DMD: variants seen among roughly 807,000 people sequenced by gnomAD.
The protein encoded by DMD is mutant dystrophin.
DMD carries 63 observed loss-of-function variants against 330.1 expected under a neutral mutation model. The ratio of observed to expected loss-of-function variants is 0.19; its 90% CI spans 0.16 to 0.24. The LOEUF is 0.24. Ranked by LOEUF, DMD falls within the 10% of genes least tolerant of loss-of-function variation. DMD has a pLI of 1.00. For synonymous variants in DMD, 1,223 were observed against 959.8 expected, an observed-to-expected ratio of 1.27 and a Z score of -5.07; for missense variants, 3,344 against 2,684.1, an observed-to-expected ratio of 1.25 and a Z score of -5.43.
chrX:33,219,185 T>C lies in DMD; in HGVS notation c.7+120074A>G, dbSNP rs769514929. ...CTCTGGATCTTATTTAAATCTATTT[T>C]AGCTCGTCCCCTTCTGACTGTTCTG... On this transcript the variant is annotated intron_variant, in intron 1 of 17. Transcript: ENST00000288447. 3.6e-5 allele frequency among the ~76,000 whole-genome samples: 4 copies of C among 110,415 alleles called. No individual in the cohort carries two copies. In the South Asian group the frequency reaches 1.2e-3, roughly 32 times the overall value.
chrX:31,599,645 C>T (rs2077258221), intron 55 of DMD, among the ~76,000 whole-genome samples: 1 of 112,179 alleles, frequency 8.9e-6, no homozygotes, highest in Non-Finnish European at 1.9e-5. Context: ...TTTGCACTAT[C>T]TTGACACTGA....
chrX:32,469,902 T>C (rs1254497905), intron 22 of DMD, among the ~76,000 whole-genome samples: 3 of 111,129 alleles, frequency 2.7e-5, no homozygotes, highest in Non-Finnish European at 5.7e-5. Flanking sequence ...TCCATTTACA[T>C]CTTTGAGTGT....
chrX:33,005,767 T>A (rs2093383045), intron 2 of DMD, among the ~76,000 whole-genome samples: 2 of 110,591 alleles, frequency 1.8e-5, no homozygotes, highest in South Asian at 7.5e-4. Context: ...GCTAATGCAA[T>A]AAGACAAAGA....
chrX:32,815,467 CCT>C (rs1258858117), intron 6 of DMD, among the ~76,000 whole-genome samples: 2 of 91,646 alleles, frequency 2.2e-5, no homozygotes, highest in South Asian at 1.1e-3. Context: ...GACTGTAGTC[CCT>C]CTCTCTCAAA....
intron 2 of DMD, among the ~76,000 whole-genome samples, chrX:32,945,654 A>G (rs1182972532): frequency 9.0e-6 from 1 of 111,667 alleles, no homozygotes; most frequent in Non-Finnish European, 1.9e-5. Context: ...TGAGATAGAC[A>G]ATATTTTTCA....
intron 7 of DMD, among the ~76,000 whole-genome samples, chrX:32,806,979 C>T (rs2076986392): frequency 9.1e-6 from 1 of 109,292 alleles, no homozygotes; most frequent in Admixed American, 9.9e-5. Context: ...TAAATGCCCA[C>T]AGGAGAAAGC....
intron 55 of DMD, among the ~76,000 whole-genome samples, chrX:31,603,009 A>C (rs2077441923): frequency 1.8e-5 from 2 of 111,636 alleles, no homozygotes; most frequent in Non-Finnish European, 3.8e-5. Flanking sequence ...GTTTTGTCTA[A>C]TGGGCTATAA....
intron 60 of DMD, among the ~76,000 whole-genome samples, chrX:31,391,600 C>T (rs1456095795): frequency 2.7e-5 from 3 of 110,171 alleles, no homozygotes; most frequent in Admixed American, 9.8e-5. Flanking sequence ...TGGCTGGGTG[C>T]GGTGACTCAC....
intron 2 of DMD, among the ~76,000 whole-genome samples, chrX:32,861,600 T>C (rs1034755511): frequency 9.0e-6 from 1 of 111,338 alleles, no homozygotes; most frequent in African/African-American, 3.3e-5. Context: ...CTCCTAAGAA[T>C]GAAAAGAAGG....
intron 4 of DMD, among the ~76,000 whole-genome samples, chrX:32,840,163 A>G (rs1316074564): frequency 8.9e-6 from 1 of 111,880 alleles, no homozygotes; most frequent in Admixed American, 9.6e-5. Context: ...TTAAAGCTCT[A>G]GCTCAGATGA....
intron 15 of DMD, among the ~76,000 whole-genome samples, chrX:32,572,018 C>A (rs1011485398): frequency 1.8e-5 from 2 of 111,729 alleles, no homozygotes; most frequent in Non-Finnish European, 3.8e-5. Flanking sequence ...AGCTGCAGGC[C>A]AAAACTACAA....
intron 9 of DMD, among the ~76,000 whole-genome samples, chrX:32,673,048 T>C (rs5972646): frequency 0.053 from 5,932 of 111,414 alleles, 374 homozygotes; most frequent in African/African-American, 0.18. Flanking sequence ...TGTATGTGTA[T>C]GTGTGTGCAT....
At chrX:31,256,715 T>A (rs1275345806) in intron 63 of DMD, among the ~76,000 whole-genome samples, 1 of 105,082 alleles carries the variant, frequency 9.5e-6, no homozygotes, top group East Asian at 2.9e-4. Context: ...GGTCCTTAAG[T>A]ATAAATTATC....
intron 7 of DMD, among the ~76,000 whole-genome samples, chrX:32,734,350 T>C (rs1482967105): frequency 1.1e-5 from 1 of 92,696 alleles, no homozygotes; most frequent in Non-Finnish European, 2.0e-5. Flanking sequence ...GAGGAACTGG[T>C]ACCATTCCTT....
intron 60 of DMD, among the ~76,000 whole-genome samples, chrX:31,370,816 G>T (rs2059521908): frequency 8.9e-6 from 1 of 111,807 alleles, no homozygotes; most frequent in Non-Finnish European, 1.9e-5. Context: ...ATAAACTAGG[G>T]TATATCCAAA....
chrX:32,057,400 G>A (rs2096185471), intron 44 of DMD, among the ~76,000 whole-genome samples: 1 of 111,238 alleles, frequency 9.0e-6, no homozygotes, highest in African/African-American at 3.3e-5. Context: ...GACATGGTTA[G>A]AACCAATAAA....
chrX:33,219,306 T>TG (rs2052117939), intron 1 of DMD, among the ~76,000 whole-genome samples: 6 of 72,976 alleles, frequency 8.2e-5, no homozygotes, highest in East Asian at 4.4e-4. Flanking sequence ...TTAGAGATTA[T>TG]TGTGTGTGTG....
At chrX:31,792,145 G>A (rs1231242450) in intron 50 of DMD, among the ~76,000 whole-genome samples, 1 of 111,484 alleles carries the variant, frequency 9.0e-6, no homozygotes, top group Non-Finnish European at 1.9e-5. Flanking sequence ...TTACATGTTA[G>A]AACCACCCAA....
intron 64 of DMD, among the ~76,000 whole-genome samples, chrX:31,216,287 G>A (rs1197305656): frequency 1.8e-5 from 2 of 112,336 alleles, no homozygotes; most frequent in African/African-American, 3.2e-5. Flanking sequence ...CGGAACCTAC[G>A]AGGTGTTCTT....
Sources: allele counts gnomAD v4.1 joint callset (sites outside exome capture counted in the v4.1 genomes callset), GRCh38; gene constraint gnomAD v4.1.1; transcripts MANE v1.5; gene names NCBI Gene and HGNC (gene_info 2026-07-23, HGNC 2026-07-21).